The following SPDYA variants were observed in gnomAD, a reference collection of about 807,000 sequenced individuals.
SPDYA encodes speedy/RINGO cell cycle regulator family member A.
A neutral mutation model predicts 36.7 loss-of-function variants in SPDYA; 11 were observed. The ratio of observed to expected loss-of-function variants is 0.30; its 90% CI spans 0.19 to 0.50. The LOEUF (loss-of-function observed/expected upper bound fraction) is 0.50, where lower values mean the gene tolerates loss of function less well. Ranked by LOEUF, SPDYA falls within the 20% of genes least tolerant of loss-of-function variation. The pLI is 0.98. For synonymous variants in SPDYA, 115 were observed against 118.7 expected (o/e 0.97, Z 0.20); for missense variants, 287 against 370.9 (o/e 0.77, Z 1.86).
At chr2:28,812,252 T>C (rs1667865126) in intron 1 of SPDYA, among the ~76,000 whole-genome samples, 1 of 152,168 alleles carries the variant, frequency 6.6e-6, no homozygotes, top group Admixed American at 6.5e-5. Context: ...ATTCTCTGTG[T>C]GTGACTGCAT....
chr2:28,845,090 CTTT>C (rs779798334), intron 7 of SPDYA, among the ~76,000 whole-genome samples: 35 of 151,842 alleles, frequency 2.3e-4, no homozygotes, highest in Middle Eastern at 3.4e-3. Context: ...CAGCCAAATG[CTTT>C]TTTCCCCCAC....
At chr2:28,836,710 T>G (rs1017745983) in intron 6 of SPDYA, among the ~76,000 whole-genome samples, 1 of 152,334 alleles carries the variant, frequency 6.6e-6, no homozygotes, top group Non-Finnish European at 1.5e-5. Context: ...GCCTCATTCC[T>G]TTTTGGAAAG....
At chr2:28,818,230 G>A (rs1668037437) in intron 3 of SPDYA, among the ~76,000 whole-genome samples, 2 of 152,050 alleles carry the variant, frequency 1.3e-5, no homozygotes, top group Admixed American at 1.3e-4. Context: ...GTTATTCTTG[G>A]AACTTTCCGT....
intron 4 of SPDYA, among the ~76,000 whole-genome samples, chr2:28,820,780 G>C (rs1436072015): frequency 6.6e-6 from 1 of 152,152 alleles, no homozygotes; most frequent in Non-Finnish European, 1.5e-5. Context: ...AGGTTAGCTT[G>C]TGATTAAATA....
chr2:28,827,517 T>G (rs1318718438), intron 5 of SPDYA, among the ~76,000 whole-genome samples: 1 of 152,214 alleles, frequency 6.6e-6, no homozygotes, highest in African/African-American at 2.4e-5. Flanking sequence ...CCTTGTTCCC[T>G]TATGTGTTTT....
At chr2:28,837,778 C>T (rs897590514) in intron 6 of SPDYA, among the ~76,000 whole-genome samples, 8 of 144,730 alleles carry the variant, frequency 5.5e-5, no homozygotes, top group Admixed American at 1.4e-4. Flanking sequence ...TTTTTCATGC[C>T]TATCCCTGTC....
intron 7 of SPDYA, among the ~76,000 whole-genome samples, chr2:28,848,366 T>A (rs1668936878): frequency 6.6e-6 from 1 of 152,200 alleles, no homozygotes; most frequent in Non-Finnish European, 1.5e-5. Context: ...TCCCCATCTA[T>A]CTATCCAGTC....
chr2:28,829,662 G>C, intron 6 of SPDYA, among the ~76,000 whole-genome samples: 1 of 151,634 alleles, frequency 6.6e-6, no homozygotes, highest in Non-Finnish European at 1.5e-5. Context: ...ACAAAAATTA[G>C]GCTGGGTGCG....
chr2:28,844,209 G>C (rs1362098143), intron 7 of SPDYA, among the ~76,000 whole-genome samples: 1 of 152,194 alleles, frequency 6.6e-6, no homozygotes, highest in African/African-American at 2.4e-5. Flanking sequence ...CTAAGTATAT[G>C]ATCAACATTG....
chr2:28,844,616 T>C (rs1357348959), intron 7 of SPDYA, among the ~76,000 whole-genome samples: 2 of 152,114 alleles, frequency 1.3e-5, no homozygotes, highest in African/African-American at 4.8e-5. Flanking sequence ...GTTCGGTGGT[T>C]AGCTGTATTA....
At chr2:28,826,611 CTTTTTTTTTTTTT>C (rs777338299) in intron 5 of SPDYA, among the ~76,000 whole-genome samples, 4 of 75,328 alleles carry the variant, frequency 5.3e-5, no homozygotes, top group Middle Eastern at 0.017. Context: ...TTCTTTCTCT[CTTTTTTTTTTTTT>C]TTTTTTTTTT....
chr2:28,813,070 T>C (rs1667893513), intron 1 of SPDYA, among the ~76,000 whole-genome samples: 1 of 152,158 alleles, frequency 6.6e-6, no homozygotes, highest in African/African-American at 2.4e-5. Context: ...TAGGTAGAAA[T>C]TGACCAAGAC....
In SPDYA at chr2:28,824,480, A is replaced by G. The variant is rs558737085; in HGVS notation, c.380+2070A>G. Among the ~76,000 whole-genome samples, 196 of 106,308 alleles carry G rather than the reference A, an allele frequency of 1.8e-3. 1 individual carries two copies. The highest frequency in any genetic ancestry group is 2.9e-3 in the Non-Finnish European group (159 of 54,186). The allele number at this position is 106,308 out of a possible 152,430, so 69.7% of individuals were successfully genotyped here. The stretch of plus-strand genomic sequence containing the variant: ...AACAGAGCAAGATGCTGTCAGGAGA[A>G]AAAAAAAAAAACAAAAAAAAAAAAC... On this transcript the variant is annotated intron_variant, in intron 5 of 7. Transcript: ENST00000334056.
At chr2:28,837,121 A>G (rs1668623486) in intron 6 of SPDYA, among the ~76,000 whole-genome samples, 1 of 152,238 alleles carries the variant, frequency 6.6e-6, no homozygotes, top group South Asian at 2.1e-4. Flanking sequence ...GAATAATCCA[A>G]TGACAGTATG....
At chr2:28,847,343 AAAAC>A (rs907110852) in intron 7 of SPDYA, among the ~76,000 whole-genome samples, 14 of 151,738 alleles carry the variant, frequency 9.2e-5, no homozygotes, top group Admixed American at 2.0e-4. Flanking sequence ...ACTCTGTCTC[AAAAC>A]AAACAAACAA....
At chr2:28,815,970 G>A (rs756939193) in intron 2 of SPDYA, 27 bp from the exon 3 acceptor site, 3 of 1,443,850 alleles carry the variant, frequency 2.1e-6, no homozygotes, top group South Asian at 2.4e-5. Context: ...TGTGTGTGAT[G>A]AATAATTGTA....
At chr2:28,845,214 T>C (rs1572518320) in intron 7 of SPDYA, among the ~76,000 whole-genome samples, 1 of 150,892 alleles carries the variant, frequency 6.6e-6, no homozygotes, top group East Asian at 2.0e-4. Context: ...GCCTCCTGAG[T>C]AGCTGGCACT....
chr2:28,819,176 A>T, intron 4 of SPDYA, 70 bp downstream of exon 4: 1 of 1,147,018 alleles, frequency 8.7e-7, no homozygotes, highest in Non-Finnish European at 1.3e-6. Flanking sequence ...CTTTAATGAG[A>T]CCTTATAAGA....
At chr2:28,834,431 A>C (rs951152529) in intron 6 of SPDYA, among the ~76,000 whole-genome samples, 5 of 152,254 alleles carry the variant, frequency 3.3e-5, no homozygotes, top group African/African-American at 9.6e-5. Flanking sequence ...ATGAATGTTC[A>C]TAGCAGTATT....
Sources: gnomAD v4.1 joint callset for allele counts (sites outside exome capture counted in the v4.1 genomes callset) on GRCh38, gnomAD v4.1.1 for gene constraint, MANE v1.5 for transcripts, NCBI Gene and HGNC (gene_info 2026-07-23, HGNC 2026-07-21) for gene names.